Variants in PRDM15 observed in about 807,000 individuals in gnomAD.
PRDM15 encodes PR/SET domain 15.
In PRDM15, 64 loss-of-function variants were observed where a neutral mutation model predicts 128.6. The observed-to-expected ratio is 0.50, with a 90% CI of 0.41 to 0.61. The LOEUF (loss-of-function observed/expected upper bound fraction) is 0.61, where lower values mean the gene tolerates loss of function less well. Ranked by LOEUF, PRDM15 falls within the 20% of genes least tolerant of loss-of-function variation. PRDM15 has a pLI of 0.00. For missense variants in PRDM15, 1,242 were observed against 1,569.1 expected, an observed-to-expected ratio of 0.79 and a Z score of 3.52; for synonymous variants, 615 against 621.8, an observed-to-expected ratio of 0.99 and a Z score of 0.16.
In PRDM15 at chr21:41,859,765, G is replaced by T; in HGVS notation, c.38-80C>A. ...CACAAACCTGGGAAATGGGGACCCT[G>T]GCCCCATGAGGGTGACCCAGAGTCA... On this transcript the variant is annotated intron_variant, in intron 2 of 23. Transcript: ENST00000398548. The surrounding 1 kb of genome is among the most constrained non-coding windows in gnomAD (Gnocchi z 5.3). The T allele has an allele frequency of 8.5e-7, 1 of 1,174,208 alleles. No individual in the cohort carries two copies. The highest frequency in any genetic ancestry group is 1.2e-6 in the Non-Finnish European group (1 of 803,632). 72.7% of individuals were successfully genotyped at this position (1,174,208 alleles called of 1,614,324 possible). A position where few individuals can be genotyped will look rare whatever the true frequency, so the allele number is the denominator to read the frequency against.
chr21:41,878,981 C>A, intron 1 of PRDM15: 1 of 997,898 alleles, frequency 1.0e-6, no homozygotes, highest in Non-Finnish European at 1.2e-6. Context: ...CCAGGAGCGC[C>A]CGCGGCGGCG....
rs75462889 is a variant in PRDM15 at position 41,836,333 on chromosome 21, C to G, written c.1184-126G>C. ...CATGCGAAGGAGCTGCAGAGATGAT[C>G]GCCCACAAATGCAGCCTCTCACTGG... On this transcript the variant is annotated intron_variant, in intron 9 of 23. Coordinates refer to ENST00000398548, the MANE Select transcript of PRDM15 (RefSeq NM_001040424.3). 1.0e-5 allele frequency: 13 copies of G among 1,271,766 alleles called. No homozygotes were observed. The South Asian group carries it at 1.2e-4, about 12-fold the overall frequency. The allele number at this position is 1,271,766 out of a possible 1,614,324, so 78.8% of individuals were successfully genotyped here. A position where few individuals can be genotyped will look rare whatever the true frequency, so the allele number is the denominator to read the frequency against.
intron 1 of PRDM15, chr21:41,861,842 C>T: frequency 6.3e-7 from 1 of 1,578,026 alleles, no homozygotes; most frequent in African/African-American, 1.3e-5. Flanking sequence ...CCAATTTGCC[C>T]TTAAAATGCC....
In PRDM15 at chr21:41,826,108, G is replaced by A. The variant is rs977173056; in HGVS notation, c.1535-54C>T. 28 of 1,417,408 alleles carry A rather than the reference G, an allele frequency of 2.0e-5. No homozygotes were observed. The Admixed American group carries it at 4.6e-4, about 23-fold the overall frequency. The allele number at this position is 1,417,408 out of a possible 1,614,324, so 87.8% of individuals were successfully genotyped here. A position where few individuals can be genotyped will look rare whatever the true frequency, so the allele number is the denominator to read the frequency against. ...AGTGAATACACATAGAACACGCGAA[G>A]GTCCATCAGATTCCACTTCAGCCAG... On this transcript the variant is annotated intron_variant, in intron 12 of 23. Coordinates refer to ENST00000398548, the MANE Select transcript of PRDM15 (RefSeq NM_001040424.3).
At chr21:41,823,763 C>T (rs1601222577) in intron 13 of PRDM15, among the ~76,000 whole-genome samples, 1 of 152,196 alleles carries the variant, frequency 6.6e-6, no homozygotes, top group African/African-American at 2.4e-5. Context: ...GGATGGACTA[C>T]CAAGGAACCA....
At position 41,821,320 on chromosome 21, in the gene PRDM15, C is replaced by A; in HGVS notation, c.1897-90G>T. The A allele has an allele frequency of 6.9e-7, 1 of 1,449,314 alleles. No homozygotes were observed. Among genetic ancestry groups the A allele is most frequent in the South Asian group, 1.2e-5 (1 of 82,382 alleles). 89.8% of individuals were successfully genotyped at this position (1,449,314 alleles called of 1,614,324 possible). On this transcript the variant is annotated intron_variant, in intron 15 of 23. Transcript: ENST00000398548. The surrounding 1 kb of genome is among the most constrained non-coding windows in gnomAD (Gnocchi z 5.4). ...GAGGTCGTGTCCACAAACCAGGGCA[C>A]CCGACACGCCCTGAGAGCCCATGAC... is the stretch of plus-strand genomic sequence containing the variant.
Position 41,829,956 on chromosome 21 carries a change from AC to A in PRDM15, c.1367-1624del, listed in dbSNP as rs1601260048. ...ATACCCAATCACATACTACACAAAT[AC>A]ACAGTCAACACACACCACATAAACA... On this transcript the variant is annotated intron_variant, in intron 11 of 23. Coordinates refer to ENST00000398548, the MANE Select transcript of PRDM15 (RefSeq NM_001040424.3). 1.5e-4 allele frequency among the ~76,000 whole-genome samples: 23 copies of A among 151,852 alleles called. No individual in the cohort carries two copies. In the East Asian group the frequency reaches 3.5e-3, roughly 23 times the overall value.
Position 41,879,192 on chromosome 21 carries a change from G to A in PRDM15, c.-10+78C>T. 2 of 788,858 alleles carry A rather than the reference G, an allele frequency of 2.5e-6. No individual in the cohort carries two copies. Among genetic ancestry groups the A allele is most frequent in the Non-Finnish European group, 3.1e-6 (2 of 653,848 alleles). The allele number at this position is 788,858 out of a possible 1,614,324, so 48.9% of individuals were successfully genotyped here. On this transcript the variant is annotated intron_variant, in intron 1 of 23. Transcript: ENST00000398548. This position sits in a 1 kb window ranked among gnomAD's most constrained non-coding sequence, Gnocchi z 5.1. ...GCGGGCCCAGGGCGCGCCGGGGCTC[G>A]CGGGGGCAGCGGGTGCGGCCCGGGG...
chr21:41,831,501 T>TG (rs2062690067), intron 11 of PRDM15, among the ~76,000 whole-genome samples: 1 of 152,130 alleles, frequency 6.6e-6, no homozygotes, highest in East Asian at 1.9e-4. Flanking sequence ...CTCTCTGGGG[T>TG]GGGCCTTGGG....
chr21:41,801,535 G>C lies in PRDM15; in HGVS notation c.3131C>G (p.Thr1044Ser). Residue 1044 changes from threonine to serine, a missense_variant, in exon 24 of 24, where the codon ACC becomes AGC. Physicochemically the swap from Thr to Ser is moderately conservative, Grantham distance 58. Transcript: ENST00000398548. ...LQLDNSILTV[T>S]FDTVSGSAML... Reference sequence around the variant, plus strand: ...GGCAGAGCCGCTGACGGTATCAAAGGTCACGGTCAGGATTGAGTTGTCCAG... The same window carrying C: ...GGCAGAGCCGCTGACGGTATCAAAGCTCACGGTCAGGATTGAGTTGTCCAG... 6.2e-7 allele frequency: 1 copy of C among 1,614,216 alleles called. No homozygotes were observed. The highest frequency in any genetic ancestry group is 8.5e-7 in the Non-Finnish European group (1 of 1,180,030).
Position 41,879,099 on chromosome 21 carries a change from AAAG to A in PRDM15, c.-10+168_-10+170del. On this transcript the variant is annotated intron_variant, in intron 1 of 23. Coordinates refer to ENST00000398548, the MANE Select transcript of PRDM15 (RefSeq NM_001040424.3). The surrounding 1 kb of genome is among the most constrained non-coding windows in gnomAD (Gnocchi z 5.1). ...GGTGCCCGCAGCCGGCGAATGTAAC[AAAG>A]AACAGTCGGCATGGCGGCTGGACCG... 9.0e-7 allele frequency: 1 copy of A among 1,113,852 alleles called. No homozygotes were observed. 69.0% of individuals were successfully genotyped at this position (1,113,852 alleles called of 1,614,324 possible).
chr21:41,840,411 A>G (rs2063039188), intron 6 of PRDM15, among the ~76,000 whole-genome samples: 1 of 147,476 alleles, frequency 6.8e-6, no homozygotes, highest in Non-Finnish European at 1.5e-5. Flanking sequence ...GCACCACTGC[A>G]CTCCAACCAG....
chr21:41,842,356 C>A (rs1207436543), intron 6 of PRDM15, among the ~76,000 whole-genome samples: 2 of 152,196 alleles, frequency 1.3e-5, no homozygotes, highest in African/African-American at 4.8e-5. Flanking sequence ...TACTCTCCCT[C>A]CCAAATGCTT....
chr21:41,864,908 C>T (rs529590714), intron 1 of PRDM15, among the ~76,000 whole-genome samples: 7 of 150,356 alleles, frequency 4.7e-5, no homozygotes, highest in South Asian at 2.2e-4. Flanking sequence ...TCTCCAGCCA[C>T]GCTTCCCGGA....
intron 1 of PRDM15, among the ~76,000 whole-genome samples, chr21:41,866,774 C>T (rs1042063442): frequency 2.6e-5 from 4 of 152,108 alleles, no homozygotes; most frequent in Admixed American, 6.5e-5. Flanking sequence ...CACAACGCTT[C>T]CCCCCTTCCA....
At chr21:41,875,598 T>C (rs1312139117) in intron 1 of PRDM15, among the ~76,000 whole-genome samples, 2 of 152,258 alleles carry the variant, frequency 1.3e-5, no homozygotes, top group African/African-American at 4.8e-5. Flanking sequence ...CATGGCCATC[T>C]ATTTACAACG....
intron 21 of PRDM15, among the ~76,000 whole-genome samples, chr21:41,805,823 C>T (rs376307731): frequency 1.4e-4 from 21 of 150,812 alleles, no homozygotes; most frequent in African/African-American, 5.1e-4. Flanking sequence ...TCACCATTAC[C>T]AACACCATCA....
intron 5 of PRDM15, among the ~76,000 whole-genome samples, 188 bp from the exon 6 acceptor site, chr21:41,847,379 G>A (rs79647455): frequency 0.096 from 14,640 of 152,202 alleles, 931 homozygotes; most frequent in Non-Finnish European, 0.14. Context: ...TGGCTGATAC[G>A]GTCGTGTGAC....
At chr21:41,806,403 CCACCA>C (rs2061631467) in intron 21 of PRDM15, among the ~76,000 whole-genome samples, 2 of 30,814 alleles carry the variant, frequency 6.5e-5, no homozygotes, top group Admixed American at 4.3e-4. Flanking sequence ...ATCACCACCA[CCACCA>C]CCATCACCAC....
Sources: gnomAD v4.1 joint callset for allele counts (sites outside exome capture counted in the v4.1 genomes callset) on GRCh38, gnomAD v4.1.1 for gene constraint, Gnocchi (gnomAD v3.1) non-coding constraint, MANE v1.5 for transcripts, NCBI Gene and HGNC (gene_info 2026-07-23, HGNC 2026-07-21) for gene names.